The following CCDC171 variants were observed in gnomAD, a reference collection of about 807,000 sequenced individuals.
The protein encoded by CCDC171 is coiled-coil domain containing 171.
Under a neutral mutation model 168.2 loss-of-function variants are expected in CCDC171, and 177 were observed. That is an observed-to-expected ratio of 1.05 (90% CI 0.93 to 1.19). The LOEUF (loss-of-function observed/expected upper bound fraction) is 1.19. CCDC171 is among the 50% of genes most tolerant of loss of function. CCDC171 has a pLI of 0.00. For missense variants in CCDC171, 1,991 were observed against 1,539.0 expected (o/e 1.29, Z -4.91); for synonymous variants, 687 against 540.8 (o/e 1.27, Z -3.75).
intron 21 of CCDC171, among the ~76,000 whole-genome samples, chr9:15,806,598 A>G (rs1043296563): frequency 6.6e-6 from 1 of 152,046 alleles, no homozygotes; most frequent in East Asian, 1.9e-4. Flanking sequence ...TCTGTTGAGG[A>G]GTTCACACTG....
At chr9:15,746,841 C>T (rs1469297509) in intron 18 of CCDC171, among the ~76,000 whole-genome samples, 1 of 152,184 alleles carries the variant, frequency 6.6e-6, no homozygotes, top group African/African-American at 2.4e-5. Flanking sequence ...ATTTTCGTTT[C>T]CTAGCCAAGG....
In CCDC171 at chr9:15,923,608, A is replaced by G. The variant is rs561830315; in HGVS notation, c.3753+3186A>G. Among the ~76,000 whole-genome samples the G allele has an allele frequency of 4.6e-5, 7 of 151,420 alleles. No individual in the cohort carries two copies. The South Asian group carries it at 1.5e-3, about 31-fold the overall frequency. On this transcript the variant is annotated intron_variant, in intron 25 of 25. Coordinates refer to ENST00000380701, the MANE Select transcript of CCDC171 (RefSeq NM_173550.4). ...ACAACATGGTGACTATAGTTAATAA[A>G]GACGTATTCTTGAAAAGTGCAAAGA...
At chr9:15,786,978 TG>T (rs2057997154) in intron 21 of CCDC171, among the ~76,000 whole-genome samples, 1 of 152,102 alleles carries the variant, frequency 6.6e-6, no homozygotes, top group African/African-American at 2.4e-5. Context: ...TCAGACCACT[TG>T]CACCCAAGTG....
At chr9:15,640,933 A>G (rs188695748) in intron 7 of CCDC171, among the ~76,000 whole-genome samples, 8 of 152,230 alleles carry the variant, frequency 5.3e-5, no homozygotes, top group Non-Finnish European at 1.5e-5. Context: ...TTCCCTGCCC[A>G]GGTAAAGAAT....
chr9:15,968,837 C>T (rs1831068797), intron 25 of CCDC171, among the ~76,000 whole-genome samples: 1 of 152,180 alleles, frequency 6.6e-6, no homozygotes, highest in Non-Finnish European at 1.5e-5. Context: ...CCATCCCCAG[C>T]CGGTGGCTTC....
At chr9:15,632,805 T>C (rs1199910518) in intron 7 of CCDC171, among the ~76,000 whole-genome samples, 3 of 152,112 alleles carry the variant, frequency 2.0e-5, no homozygotes, top group South Asian at 4.1e-4. Context: ...AACAGTATGG[T>C]ACTGGTACCA....
chr9:15,797,413 T>C (rs563503879), intron 21 of CCDC171, among the ~76,000 whole-genome samples: 2 of 152,078 alleles, frequency 1.3e-5, no homozygotes, highest in South Asian at 2.1e-4. Context: ...ACGGGGTTTC[T>C]CCATGTTGCC....
At chr9:15,697,971 C>T (rs1292388966) in intron 11 of CCDC171, among the ~76,000 whole-genome samples, 2 of 152,090 alleles carry the variant, frequency 1.3e-5, no homozygotes, top group African/African-American at 2.4e-5. Flanking sequence ...TTTAAGATAC[C>T]AGTCACCTTG....
At chr9:15,617,268 C>G (rs2044151174) in intron 6 of CCDC171, among the ~76,000 whole-genome samples, 1 of 152,020 alleles carries the variant, frequency 6.6e-6, no homozygotes, top group Non-Finnish European at 1.5e-5. Flanking sequence ...AAAAGTTATT[C>G]TGGCTTTTGG....
At chr9:15,906,220 A>C (rs9407676) in intron 24 of CCDC171, among the ~76,000 whole-genome samples, 1 of 151,994 alleles carries the variant, frequency 6.6e-6, no homozygotes, top group African/African-American at 2.4e-5. Context: ...GACACAACCC[A>C]AAAAGAGAAT....
At chr9:15,764,846 A>G (rs537357524) in intron 18 of CCDC171, among the ~76,000 whole-genome samples, 25 of 152,200 alleles carry the variant, frequency 1.6e-4, no homozygotes, top group Non-Finnish European at 2.5e-4. Context: ...TGAAGCCTGC[A>G]TTCCACCCAG....
At chr9:15,823,013 T>G (rs1472706082) in intron 21 of CCDC171, among the ~76,000 whole-genome samples, 2 of 151,924 alleles carry the variant, frequency 1.3e-5, no homozygotes, top group Admixed American at 1.3e-4. Context: ...CCATAAAAAA[T>G]GGTGAGTTCA....
chr9:16,039,140 C>A (rs541780177), upstream of CCDC171, among the ~76,000 whole-genome samples: 5 of 152,218 alleles, frequency 3.3e-5, no homozygotes, highest in South Asian at 8.3e-4. Flanking sequence ...TGAGAGTTGT[C>A]CAAATAGTGC....
chr9:15,897,211 G>T (rs966629824), intron 24 of CCDC171, among the ~76,000 whole-genome samples: 9 of 152,002 alleles, frequency 5.9e-5, no homozygotes, highest in African/African-American at 2.2e-4. Flanking sequence ...CTTTTAGTCA[G>T]GCTGCTGAGA....
intron 1 of CCDC171, among the ~76,000 whole-genome samples, chr9:16,057,153 C>T (rs1435205762): frequency 6.6e-6 from 1 of 152,140 alleles, no homozygotes; most frequent in Non-Finnish European, 1.5e-5. Context: ...GATCTTTACA[C>T]AAGGAGTTCA....
chr9:15,901,753 G>T (rs7035363), intron 24 of CCDC171, among the ~76,000 whole-genome samples: 2,104 of 152,280 alleles, frequency 0.014, 50 homozygotes, highest in African/African-American at 0.047. Context: ...TCAAGGAAGA[G>T]TGGAAGGCTT....
At chr9:15,583,756 C>T (rs185069539) in intron 4 of CCDC171, among the ~76,000 whole-genome samples, 1 of 151,996 alleles carries the variant, frequency 6.6e-6, no homozygotes, top group South Asian at 2.1e-4. Flanking sequence ...CGAACACCAT[C>T]TGTTCCCCAA....
At chr9:15,647,937 A>G (rs1338210159) in intron 7 of CCDC171, among the ~76,000 whole-genome samples, 1 of 152,194 alleles carries the variant, frequency 6.6e-6, no homozygotes, top group African/African-American at 2.4e-5. Context: ...TGGCAGAGAC[A>G]CAACAAAAAA....
intron 9 of CCDC171, among the ~76,000 whole-genome samples, chr9:15,673,081 A>C (rs2049242017): frequency 6.6e-6 from 1 of 152,112 alleles, no homozygotes; most frequent in Non-Finnish European, 1.5e-5. Context: ...ATCCCTTGTA[A>C]GTTGTATTCC....
Sources: gnomAD v4.1 joint callset for allele counts (sites outside exome capture counted in the v4.1 genomes callset) on GRCh38, gnomAD v4.1.1 for gene constraint, MANE v1.5 for transcripts, NCBI Gene and HGNC (gene_info 2026-07-23, HGNC 2026-07-21) for gene names.